The following POLA1 variants were observed in gnomAD, a reference collection of about 807,000 sequenced individuals.
POLA1 encodes DNA polymerase alpha catalytic subunit.
Under a neutral mutation model 124.0 loss-of-function variants are expected in POLA1, and 15 were observed. That is an observed-to-expected ratio of 0.12 (90% CI 0.08 to 0.19). POLA1 has a LOEUF of 0.19. Ranked by LOEUF, POLA1 falls within the 10% of genes least tolerant of loss-of-function variation. The pLI is 1.00. For synonymous variants in POLA1, 408 were observed against 389.4 expected, an observed-to-expected ratio of 1.05 and a Z score of -0.56; for missense variants, 886 against 1,103.4, an observed-to-expected ratio of 0.80 and a Z score of 2.79.
At chrX:24,935,688 C>G (rs1454102850) in intron 36 of POLA1, among the ~76,000 whole-genome samples, 1 of 111,062 alleles carries the variant, frequency 9.0e-6, no homozygotes, top group African/African-American at 3.3e-5. Context: ...TTTCTTCTGT[C>G]TTTTCTTTAG....
At chrX:24,811,375 T>C (rs112008979) in intron 28 of POLA1, among the ~76,000 whole-genome samples, 1,156 of 110,165 alleles carry the variant, frequency 0.01, 18 homozygotes, top group African/African-American at 0.037. Context: ...CTGCAACCTC[T>C]GACTCCCTGC....
chrX:24,886,470 C>G (rs1233532323), intron 34 of POLA1, among the ~76,000 whole-genome samples: 1 of 111,740 alleles, frequency 8.9e-6, no homozygotes, highest in African/African-American at 3.3e-5. Context: ...TCATACAGAT[C>G]TATAATACAC....
intron 32 of POLA1, among the ~76,000 whole-genome samples, chrX:24,828,372 G>A (rs1043828422): frequency 1.8e-5 from 2 of 112,111 alleles, no homozygotes; most frequent in African/African-American, 6.5e-5. Flanking sequence ...TTGGCACATA[G>A]GTAGTAAGTA....
At chrX:24,986,553 C>T (rs1352075033) in intron 36 of POLA1, among the ~76,000 whole-genome samples, 1 of 108,987 alleles carries the variant, frequency 9.2e-6, no homozygotes, top group Non-Finnish European at 1.9e-5. Context: ...TAAGACAAGC[C>T]TGGGCAACAC....
At chrX:24,818,930 A>G (rs952865627) in intron 30 of POLA1, among the ~76,000 whole-genome samples, 5 of 112,146 alleles carry the variant, frequency 4.5e-5, no homozygotes, top group African/African-American at 1.6e-4. Context: ...TAACCCAAAC[A>G]TGTAGTTAGA....
At chrX:24,832,501 A>G (rs1471769175) in intron 32 of POLA1, among the ~76,000 whole-genome samples, 1 of 112,222 alleles carries the variant, frequency 8.9e-6, no homozygotes, top group Non-Finnish European at 1.9e-5. Flanking sequence ...TTGCTTTGGA[A>G]CTTTTGTATG....
At chrX:24,911,231 G>A (rs2047445132) in intron 35 of POLA1, among the ~76,000 whole-genome samples, 1 of 111,750 alleles carries the variant, frequency 8.9e-6, no homozygotes. Flanking sequence ...ACTGTGATGT[G>A]TACTGTAATA....
At chrX:24,810,587 A>G (rs1436264201) in intron 27 of POLA1, 121 bp from the exon 28 acceptor site, 2 of 370,551 alleles carry the variant, frequency 5.4e-6, no homozygotes, top group East Asian at 4.7e-5. Flanking sequence ...ATAATAATTA[A>G]CATAAACTTT....
intron 36 of POLA1, among the ~76,000 whole-genome samples, chrX:24,994,470 C>A (rs1234706551): frequency 8.9e-6 from 1 of 112,462 alleles, no homozygotes; most frequent in African/African-American, 3.2e-5. Context: ...CGGTTCCTAT[C>A]GGGAGGTGCT....
intron 36 of POLA1, among the ~76,000 whole-genome samples, chrX:24,940,241 A>G (rs1237747786): frequency 3.6e-5 from 4 of 111,957 alleles, no homozygotes; most frequent in African/African-American, 1.3e-4. Context: ...GCACAGTGAA[A>G]CAATAGTCAT....
rs1205219554 is a variant in POLA1 at position 24,786,681 on chromosome X, A to ATT, written c.2965-23191_2965-23190dup. Among the ~76,000 whole-genome samples, 57 of 63,155 alleles carry ATT rather than the reference A, an allele frequency of 9.0e-4. 1 individual carries two copies. The highest frequency in any genetic ancestry group is 1.1e-3 in the African/African-American group (16 of 14,503). The allele number at this position is 63,155 out of a possible 115,157, so 54.8% of individuals were successfully genotyped here. Reference sequence around the variant, plus strand: ...GCATCATCATCATCAGGCTTGGCTAATTTTTTTTTTTTTTTTTTTTTTTTT... The same window carrying ATT: ...GCATCATCATCATCAGGCTTGGCTAATTTTTTTTTTTTTTTTTTTTTTTTTTT... On this transcript the variant is annotated intron_variant, in intron 26 of 36. Transcript: ENST00000379068.
intron 34 of POLA1, among the ~76,000 whole-genome samples, chrX:24,866,986 G>A (rs951896305): frequency 6.3e-5 from 7 of 111,441 alleles, no homozygotes; most frequent in Admixed American, 1.9e-4. Context: ...AGTATAGATC[G>A]TAAGCTAATT....
At chrX:24,747,150 C>T (rs1298963829) in intron 24 of POLA1, among the ~76,000 whole-genome samples, 4 of 108,899 alleles carry the variant, frequency 3.7e-5, no homozygotes, top group Non-Finnish European at 7.6e-5. Context: ...TAAATGTGCT[C>T]CAAGCTCCTT....
chrX:24,720,648 G>A (rs1178320533), intron 10 of POLA1, among the ~76,000 whole-genome samples: 1 of 111,795 alleles, frequency 8.9e-6, no homozygotes, highest in Non-Finnish European at 1.9e-5. Flanking sequence ...TATTGCCAGC[G>A]TCAGTTGCCA....
At chrX:24,892,494 A>G (rs781406154) in intron 35 of POLA1, among the ~76,000 whole-genome samples, 1 of 111,888 alleles carries the variant, frequency 8.9e-6, no homozygotes, top group South Asian at 3.8e-4. Context: ...TAAATATTTT[A>G]GTATCTCTTT....
intron 34 of POLA1, among the ~76,000 whole-genome samples, chrX:24,874,363 A>G (rs1427638591): frequency 4.5e-5 from 5 of 111,989 alleles, no homozygotes; most frequent in East Asian, 2.8e-4. Flanking sequence ...TTATTAAGCT[A>G]TGTACATGAT....
chrX:24,935,013 ACC>A (rs1312936181), intron 36 of POLA1, among the ~76,000 whole-genome samples: 1 of 111,228 alleles, frequency 9.0e-6, no homozygotes, highest in Non-Finnish European at 1.9e-5. Flanking sequence ...GAGCCACCAC[ACC>A]CGGCCAGGTC....
intron 24 of POLA1, among the ~76,000 whole-genome samples, chrX:24,747,430 G>T (rs1057079447): frequency 2.7e-5 from 3 of 111,053 alleles, no homozygotes; most frequent in African/African-American, 9.8e-5. Flanking sequence ...CTCCCAAAGT[G>T]CTGAGATTAT....
In POLA1 at chrX:24,816,457, G is replaced by T. The variant is rs1332475019; in HGVS notation, c.3429+1346G>T. ...TGGCATCCTTAATGTCATGAAAGAA[G>T]ACATTTGTTTATACATTAGAAGGGG... On this transcript the variant is annotated intron_variant, in intron 30 of 36. Coordinates refer to ENST00000379068, the MANE Select transcript of POLA1 (RefSeq NM_001330360.2). Among the ~76,000 whole-genome samples, 5 of 112,232 alleles carry T rather than the reference G, an allele frequency of 4.5e-5. No individual in the cohort carries two copies. The East Asian group carries it at 1.4e-3, about 31-fold the overall frequency.
Sources: gnomAD v4.1 joint callset for allele counts (sites outside exome capture counted in the v4.1 genomes callset) on GRCh38, gnomAD v4.1.1 for gene constraint, MANE v1.5 for transcripts, NCBI Gene and HGNC (gene_info 2026-07-23, HGNC 2026-07-21) for gene names.